TSEN2: variants seen among roughly 807,000 people sequenced by gnomAD.
TSEN2 encodes tRNA-splicing endonuclease subunit Sen2.
A neutral mutation model predicts 59.2 loss-of-function variants in TSEN2; 54 were observed. That is an observed-to-expected ratio of 0.91 (90% CI 0.73 to 1.14). The LOEUF (loss-of-function observed/expected upper bound fraction) is 1.14, where lower values mean the gene tolerates loss of function less well. Ranked by LOEUF, TSEN2 falls within the 50% of genes most tolerant of loss-of-function variation. TSEN2 has a pLI of 0.00. For synonymous variants in TSEN2, 195 were observed against 198.2 expected, an observed-to-expected ratio of 0.98 and a Z score of 0.14; for missense variants, 636 against 576.2, an observed-to-expected ratio of 1.10 and a Z score of -1.06.
chr3:12,511,843 A>G (rs1330828458), intron 6 of TSEN2, among the ~76,000 whole-genome samples: 3 of 152,344 alleles, frequency 2.0e-5, no homozygotes, highest in Middle Eastern at 3.4e-3. Context: ...CTAGGATTAC[A>G]GGTGTGAGCC....
chr3:12,509,468 G>A (rs1232866790), intron 6 of TSEN2, among the ~76,000 whole-genome samples: 29 of 152,186 alleles, frequency 1.9e-4, no homozygotes, highest in Non-Finnish European at 1.5e-5. Context: ...CCAAAGTGCT[G>A]AGATTATAGT....
chr3:12,536,428 T>A (rs2057674204), downstream of TSEN2, among the ~76,000 whole-genome samples: 1 of 152,072 alleles, frequency 6.6e-6, no homozygotes, highest in Admixed American at 6.5e-5. Flanking sequence ...CCATGAACAT[T>A]GATTGAGTCC....
rs1365192162 is a variant in TSEN2 at position 12,516,599 on chromosome 3, C to T, written c.910-12C>T. ...ATTTGTAATGAGCATTTTCTGCTTG[C>T]TGTATTTTCAGGCCTTTTTCTTGGT... On this transcript the variant is annotated splice_polypyrimidine_tract_variant and intron_variant, in intron 6 of 11. Coordinates refer to ENST00000284995, the MANE Select transcript of TSEN2 (RefSeq NM_025265.4). 6.2e-7 allele frequency: 1 copy of T among 1,613,450 alleles called. No individual in the cohort carries two copies. The highest frequency in any genetic ancestry group is 1.1e-5 in the South Asian group (1 of 91,064).
rs773426579 is a variant in TSEN2, at chr3:12,528,934, GA to G, written c.1136+11del. 1.2e-6 allele frequency: 2 copies of G among 1,613,922 alleles called. No individual in the cohort carries two copies. Among genetic ancestry groups the G allele is most frequent in the Non-Finnish European group, 1.7e-6 (2 of 1,179,950 alleles). ...CATTTTACCATGCAAGGTTCGGAGT[GA>G]TTTTTAAATAAACTAATGGGTTAAA... On this transcript the variant is annotated intron_variant, in intron 9 of 11. Coordinates refer to ENST00000284995, the MANE Select transcript of TSEN2 (RefSeq NM_025265.4).
intron 8 of TSEN2, among the ~76,000 whole-genome samples, chr3:12,521,593 T>C (rs931441940): frequency 1.3e-5 from 2 of 152,062 alleles, no homozygotes; most frequent in African/African-American, 4.8e-5. Flanking sequence ...TGCATGCCTG[T>C]AATCTGAGCT....
At chr3:12,505,385 C>G (rs1369360485) in intron 6 of TSEN2, 154 bp downstream of exon 6, 1 of 656,132 alleles carries the variant, frequency 1.5e-6, no homozygotes, top group East Asian at 2.8e-5. Context: ...CCCAAGTAGG[C>G]CTGCCTTTCA....
chr3:12,499,885 A>G (rs1016643032), intron 4 of TSEN2, among the ~76,000 whole-genome samples: 26 of 152,156 alleles, frequency 1.7e-4, no homozygotes, highest in African/African-American at 5.6e-4. Context: ...GTGGCCCCAG[A>G]ACCTATGTGC....
At position 12,530,721 on chromosome 3, in the gene TSEN2, G is replaced by C. The variant is rs138331899; in HGVS notation, c.1248+848G>C. 7.7e-4 allele frequency: 762 copies of C among 985,346 alleles called. 5 individuals carry two copies. In the African/African-American group the frequency reaches 0.013, roughly 16 times the overall value. 61.0% of individuals were successfully genotyped at this position (985,346 alleles called of 1,614,324 possible). On this transcript the variant is annotated intron_variant, in intron 10 of 11. Transcript: ENST00000284995. ...AATTAGGGAGCCTATACTGTTTCTA[G>C]AATTTTTATGCCCATTTTAGGGGAC...
chr3:12,518,932 C>G (rs1229872234), intron 7 of TSEN2, 127 bp from the exon 8 acceptor site: 7 of 918,292 alleles, frequency 7.6e-6, no homozygotes, highest in Non-Finnish European at 1.0e-5. Flanking sequence ...ATAAATTGCT[C>G]TGCTGGGGGA....
upstream of TSEN2, among the ~76,000 whole-genome samples, chr3:12,482,367 C>T (rs1395884316): frequency 6.6e-6 from 1 of 152,098 alleles, no homozygotes; most frequent in African/African-American, 2.4e-5. Context: ...GTGATCCACC[C>T]GCCTCAGCCT....
intron 6 of TSEN2, chr3:12,506,631 T>C (rs2054869630): frequency 1.1e-6 from 1 of 939,388 alleles, no homozygotes; most frequent in Non-Finnish European, 1.3e-6. Context: ...CTGCATCATA[T>C]TGTCCCAGTG....
At chr3:12,493,896 T>G (rs1470377730) in intron 3 of TSEN2, among the ~76,000 whole-genome samples, 1 of 152,252 alleles carries the variant, frequency 6.6e-6, no homozygotes, top group East Asian at 1.9e-4. Flanking sequence ...TAAGAAACCG[T>G]TGCCAAGTCC....
intron 6 of TSEN2, among the ~76,000 whole-genome samples, chr3:12,510,465 T>C (rs2055319896): frequency 6.6e-6 from 1 of 152,222 alleles, no homozygotes; most frequent in Non-Finnish European, 1.5e-5. Flanking sequence ...ATTTCTCTTA[T>C]TTAGAAAATA....
intron 2 of TSEN2, among the ~76,000 whole-genome samples, chr3:12,490,632 C>A (rs1012565028): frequency 2.6e-5 from 4 of 152,194 alleles, no homozygotes; most frequent in Non-Finnish European, 5.9e-5. Context: ...TAAAGTCCTC[C>A]CATTGTAAGT....
intron 3 of TSEN2, among the ~76,000 whole-genome samples, chr3:12,493,675 C>G (rs745714890): frequency 2.4e-4 from 36 of 152,032 alleles, no homozygotes; most frequent in Non-Finnish European, 4.1e-4. Context: ...TGCAGTGAGC[C>G]GAGATTGCAC....
intron 6 of TSEN2, among the ~76,000 whole-genome samples, chr3:12,507,943 CAG>C (rs1297148964): frequency 6.6e-6 from 1 of 152,204 alleles, no homozygotes; most frequent in Non-Finnish European, 1.5e-5. Flanking sequence ...CACATGGACA[CAG>C]GGTAGTAAAG....
chr3:12,532,819 T>G lies in TSEN2; in HGVS notation c.*98T>G. ...TAATCGTCCATTAATTCATAAGTTT[T>G]AAAGGGCATGGTGCTCCCAGCACCA... is the stretch of plus-strand genomic sequence containing the variant. On this transcript the variant is annotated 3_prime_UTR_variant, in exon 12 of 12. Transcript: ENST00000284995. 1 of 1,171,390 alleles carries G rather than the reference T, an allele frequency of 8.5e-7. No homozygotes were observed. The highest frequency in any genetic ancestry group is 1.3e-6 in the Non-Finnish European group (1 of 788,412). 72.6% of individuals were successfully genotyped at this position (1,171,390 alleles called of 1,614,324 possible). A position where few individuals can be genotyped will look rare whatever the true frequency, so the allele number is the denominator to read the frequency against.
intron 8 of TSEN2, among the ~76,000 whole-genome samples, chr3:12,519,808 G>A (rs918799336): frequency 4.6e-5 from 7 of 152,104 alleles, no homozygotes; most frequent in African/African-American, 1.2e-4. Context: ...CCATGAGATC[G>A]GGTAATTTGG....
chr3:12,493,033 AT>A (rs2053383694), intron 3 of TSEN2, among the ~76,000 whole-genome samples: 1 of 152,156 alleles, frequency 6.6e-6, no homozygotes, highest in African/African-American at 2.4e-5. Context: ...ATCATACAAT[AT>A]TTGCCCTTTT....
Sources: allele counts gnomAD v4.1 joint callset (sites outside exome capture counted in the v4.1 genomes callset), GRCh38; gene constraint gnomAD v4.1.1; transcripts MANE v1.5; gene names NCBI Gene and HGNC (gene_info 2026-07-23, HGNC 2026-07-21).